ETFBKMT: variants seen among roughly 807,000 people sequenced by gnomAD.
The protein encoded by ETFBKMT is electron transfer flavoprotein subunit beta lysine methyltransferase, also known as electron transfer flavoprotein beta subunit lysine methyltransferase.
ETFBKMT carries 13 observed loss-of-function variants against 18.3 expected under a neutral mutation model. That is an observed-to-expected ratio of 0.71 (90% confidence interval 0.46 to 1.13). The LOEUF (loss-of-function observed/expected upper bound fraction) is 1.13. ETFBKMT is among the 50% of genes most tolerant of loss of function. ETFBKMT has a pLI of 0.00. For synonymous variants in ETFBKMT, 84 were observed against 107.9 expected (o/e 0.78, Z 1.37); for missense variants, 293 against 306.2 (o/e 0.96, Z 0.32).
chr12:31,670,075 CT>C lies in ETFBKMT; in HGVS notation c.*2086del, dbSNP rs1951248623. ...CCATGTTGGCCAGGCTGGTCTCGAA[CT>C]CCTGACCTCAGGTGATCCACCTGCC... On this transcript the variant is annotated 3_prime_UTR_variant, in exon 4 of 4. Coordinates refer to ENST00000357721, the MANE Select transcript of ETFBKMT (RefSeq NM_001135863.2). 6.7e-6 allele frequency: 1 copy of C among 149,112 alleles called. No homozygotes were observed. The highest frequency in any genetic ancestry group is 6.6e-5 in the Admixed American group (1 of 15,180). The allele number at this position is 149,112 out of a possible 1,614,324, so 9.2% of individuals were successfully genotyped here.
In ETFBKMT at chr12:31,672,683, C is replaced by T. The variant is rs1951306753; in HGVS notation, c.*4693C>T. 2 of 244,298 alleles carry T rather than the reference C, an allele frequency of 8.2e-6. No individual in the cohort carries two copies. Among genetic ancestry groups the T allele is most frequent in the Non-Finnish European group, 1.6e-5 (2 of 125,682 alleles). 15.1% of individuals were successfully genotyped at this position (244,298 alleles called of 1,614,324 possible). A position where few individuals can be genotyped will look rare whatever the true frequency, so the allele number is the denominator to read the frequency against. ...GTAATGGTCTAATTTCACCATTAAC[C>T]TGTGTTAATGGTTAATAACTTTTTT... On this transcript the variant is annotated 3_prime_UTR_variant, in exon 4 of 4. Coordinates refer to ENST00000357721, the MANE Select transcript of ETFBKMT (RefSeq NM_001135863.2).
Position 31,672,348 on chromosome 12 carries a change from C to A in ETFBKMT, c.*4358C>A, listed in dbSNP as rs1442964536. ...ACTTGCTTTAGTTTGTTTGGGCCTA[C>A]TAATTGCTCCAACACTTCTCGGGAA... On this transcript the variant is annotated 3_prime_UTR_variant, in exon 4 of 4. Coordinates refer to ENST00000357721, the MANE Select transcript of ETFBKMT (RefSeq NM_001135863.2). 6.3e-7 allele frequency: 1 copy of A among 1,578,180 alleles called. No individual in the cohort carries two copies. The highest frequency in any genetic ancestry group is 8.6e-7 in the Non-Finnish European group (1 of 1,159,972).
At chr12:31,651,279 A>T (rs898627395) in intron 1 of ETFBKMT, among the ~76,000 whole-genome samples, 3 of 151,390 alleles carry the variant, frequency 2.0e-5, no homozygotes, top group African/African-American at 7.3e-5. Flanking sequence ...AGGAAGCCAT[A>T]AAAATTCCTT....
chr12:31,664,940 T>TTTC (rs1381398953), intron 2 of ETFBKMT, among the ~76,000 whole-genome samples: 5 of 107,074 alleles, frequency 4.7e-5, no homozygotes, highest in Admixed American at 4.4e-4. Context: ...TCTTTCTTTC[T>TTTC]TTTTTTTTTT....
chr12:31,660,832 T>TA (rs1186317843), intron 1 of ETFBKMT: 1 of 152,238 alleles, frequency 6.6e-6, no homozygotes, highest in Non-Finnish European at 1.5e-5. Flanking sequence ...AACTCTTGGC[T>TA]AGACTTCATA....
upstream of ETFBKMT, among the ~76,000 whole-genome samples, chr12:31,654,784 C>T (rs964759070): frequency 6.6e-6 from 1 of 151,990 alleles, no homozygotes; most frequent in African/African-American, 2.4e-5. Context: ...GGACGGGTGC[C>T]GTGGCTCATG....
At chr12:31,656,425 G>C (rs1303668946), upstream of ETFBKMT, among the ~76,000 whole-genome samples, 5 of 152,154 alleles carry the variant, frequency 3.3e-5, no homozygotes, top group Non-Finnish European at 7.4e-5. Context: ...AGGCAGGATA[G>C]GTTAAGTCGG....
At chr12:31,649,546 G>A (rs1379553987) in intron 1 of ETFBKMT, among the ~76,000 whole-genome samples, 2 of 151,966 alleles carry the variant, frequency 1.3e-5, no homozygotes, top group East Asian at 1.9e-4. Context: ...TGCTTACTTC[G>A]TGTTTCTGTG....
intron 1 of ETFBKMT, among the ~76,000 whole-genome samples, chr12:31,654,100 A>G (rs1403101235): frequency 1.2e-4 from 18 of 151,774 alleles, no homozygotes; most frequent in Non-Finnish European, 1.5e-5. Context: ...TCCAGGCTGG[A>G]GTGTGGTTGC....
At chr12:31,660,782 A>C (rs1219441554) in intron 1 of ETFBKMT, 1 of 152,242 alleles carries the variant, frequency 6.6e-6, no homozygotes, top group Non-Finnish European at 1.5e-5. Context: ...GTATTAATAT[A>C]TCTCTGCCCA....
chr12:31,665,243 T>G (rs1951179575), intron 2 of ETFBKMT, among the ~76,000 whole-genome samples: 1 of 152,100 alleles, frequency 6.6e-6, no homozygotes, highest in Admixed American at 6.6e-5. Context: ...GCCTACAACT[T>G]TTTTTTGAAA....
intron 1 of ETFBKMT, among the ~76,000 whole-genome samples, chr12:31,649,096 C>T (rs1052704397): frequency 2.6e-5 from 4 of 151,956 alleles, no homozygotes; most frequent in East Asian, 3.9e-4. Context: ...GGATTACAGG[C>T]GCCCACCACC....
intron 3 of ETFBKMT, 84 bp downstream of exon 3, chr12:31,666,301 C>A: frequency 7.2e-7 from 1 of 1,380,062 alleles, no homozygotes; most frequent in Non-Finnish European, 9.9e-7. Context: ...AGTGTGGTAG[C>A]TTATCGTTAT....
Position 31,668,632 on chromosome 12 carries a change from T to G in ETFBKMT, c.*642T>G, listed in dbSNP as rs1169741986. On this transcript the variant is annotated 3_prime_UTR_variant, in exon 4 of 4. Transcript: ENST00000357721. Reference sequence around the variant, plus strand: ...CTCAGCCTCCAGAGTAGCTGGGATTTTAGGTGTGCACCACCATGCCTGGCT... The same window carrying G: ...CTCAGCCTCCAGAGTAGCTGGGATTGTAGGTGTGCACCACCATGCCTGGCT... 1.3e-5 allele frequency: 2 copies of G among 152,176 alleles called. No individual in the cohort carries two copies. The highest frequency in any genetic ancestry group is 4.8e-5 in the African/African-American group (2 of 41,402). 9.4% of individuals were successfully genotyped at this position (152,176 alleles called of 1,614,324 possible). A position where few individuals can be genotyped will look rare whatever the true frequency, so the allele number is the denominator to read the frequency against.
chr12:31,658,983 C>T (rs1241660035), upstream of ETFBKMT, among the ~76,000 whole-genome samples: 2 of 150,004 alleles, frequency 1.3e-5, no homozygotes, highest in African/African-American at 2.5e-5. Flanking sequence ...ACTCTATGCC[C>T]GGTGCCTGGA....
chr12:31,663,945 C>A (rs888888423), intron 2 of ETFBKMT, among the ~76,000 whole-genome samples: 3 of 151,896 alleles, frequency 2.0e-5, no homozygotes. Context: ...GCTACTGCAA[C>A]CCCTTTCCAC....
At chr12:31,653,420 T>TTTTGTAGCCAACTGGTCTTATAC (rs1951033710) in intron 1 of ETFBKMT, among the ~76,000 whole-genome samples, 6 of 135,328 alleles carry the variant, frequency 4.4e-5, no homozygotes, top group South Asian at 3.0e-4. Flanking sequence ...GTGAGGATTC[T>TTTTGTAGCCAACTGGTCTTATAC]AGTGTCAGTT....
At position 31,671,786 on chromosome 12, in the gene ETFBKMT, T is replaced by C. The variant is rs1262715699; in HGVS notation, c.*3796T>C. 6.6e-6 allele frequency: 1 copy of C among 152,510 alleles called. No homozygotes were observed. The highest frequency in any genetic ancestry group is 1.5e-5 in the Non-Finnish European group (1 of 68,276). The allele number at this position is 152,510 out of a possible 1,614,324, so 9.4% of individuals were successfully genotyped here. ...CATTTCGGTGAAACAAATACCTAAA[T>C]TCTTTGAAGAATTAACAGGCTTGAT... On this transcript the variant is annotated 3_prime_UTR_variant, in exon 4 of 4. Transcript: ENST00000357721.
At chr12:31,647,995 A>G (rs1950982306) in intron 1 of ETFBKMT, among the ~76,000 whole-genome samples, 1 of 152,206 alleles carries the variant, frequency 6.6e-6, no homozygotes. Flanking sequence ...TTACTATATC[A>G]CCCAGCACTT....
Sources: allele counts gnomAD v4.1 joint callset (sites outside exome capture counted in the v4.1 genomes callset), GRCh38; gene constraint gnomAD v4.1.1; transcripts MANE v1.5; gene names NCBI Gene and HGNC (gene_info 2026-07-23, HGNC 2026-07-21).